Variants in CD300LG observed in about 807,000 individuals in gnomAD.
CD300LG encodes CD300 molecule like family member g.
CD300LG carries 29 observed loss-of-function variants against 31.5 expected under a neutral mutation model. The observed-to-expected ratio is 0.92, with a 90% CI of 0.68 to 1.25. The LOEUF (loss-of-function observed/expected upper bound fraction) is 1.25, where lower values mean the gene tolerates loss of function less well. Among genes scored for constraint, CD300LG ranks in the 50% most tolerant of loss-of-function variants. The probability of loss-of-function intolerance (pLI) is 0.00; values close to 1 mark genes in which losing one functional copy is unlikely to be tolerated. For missense variants in CD300LG, 396 were observed against 417.6 expected, an observed-to-expected ratio of 0.95 and a Z score of 0.45; for synonymous variants, 175 against 177.2, an observed-to-expected ratio of 0.99 and a Z score of 0.10.
intron 2 of CD300LG, chr17:43,849,941 A>G (rs143694662): frequency 1.3e-5 from 2 of 152,266 alleles, no homozygotes; most frequent in East Asian, 3.9e-4. Context: ...TCTGTTCTTC[A>G]TTATTTACAA....
intron 2 of CD300LG, among the ~76,000 whole-genome samples, chr17:43,851,133 CAAAAAAA>C (rs777282117): frequency 4.9e-5 from 2 of 40,616 alleles, no homozygotes; most frequent in South Asian, 1.8e-3. Context: ...GACTCAGTCT[CAAAAAAA>C]AAAAAAAAAA....
At chr17:43,847,336 CTGAT>C (rs1312293227) in intron 1 of CD300LG, 77 bp downstream of exon 1, 16 of 1,455,896 alleles carry the variant, frequency 1.1e-5, no homozygotes, top group South Asian at 8.2e-5. Context: ...TCTTGACTGA[CTGAT>C]AGCCCCACCC....
At chr17:43,858,084 T>C in intron 6 of CD300LG, 1 of 1,402,172 alleles carries the variant, frequency 7.1e-7, no homozygotes, top group African/African-American at 1.4e-5. Flanking sequence ...ACTCCATTCC[T>C]TTAAACACAA....
At chr17:43,861,553 G>A (rs943144437) in intron 6 of CD300LG, among the ~76,000 whole-genome samples, 5 of 152,020 alleles carry the variant, frequency 3.3e-5, no homozygotes, top group Admixed American at 2.0e-4. Context: ...CCACAACTGC[G>A]CCAGAACCCA....
intron 6 of CD300LG, 103 bp from the exon 7 acceptor site, chr17:43,861,695 G>A: frequency 4.5e-6 from 3 of 673,284 alleles, no homozygotes; most frequent in South Asian, 2.3e-5. Context: ...TGGAACTTGT[G>A]GAAAAGGCTG....
intron 5 of CD300LG, chr17:43,855,876 C>G (rs2046505691): frequency 6.6e-6 from 1 of 152,198 alleles, no homozygotes; most frequent in South Asian, 2.1e-4. Context: ...TAATTTAAAA[C>G]TTTTGAATAG....
Position 43,861,813 on chromosome 17 carries a change from G to A in CD300LG, c.901G>A (p.Glu301Lys), listed in dbSNP as rs147587037. The A allele has an allele frequency of 6.8e-5, 109 of 1,607,858 alleles. No individual in the cohort carries two copies. In the African/African-American group the frequency reaches 1.3e-3, roughly 20 times the overall value. ...GTCTTTACAGACTGCGGAGGAAAAG[G>A]AAGCCCCTTCCCAGGCCCCTGAGGG... The part of the protein sequence containing the change: ...CLSRLTAEEK[E>K]APSQAPEGDV... The change falls in exon 7 of 7, where the codon GAA becomes AAA. Residue 301 changes from glutamate to lysine, a missense_variant. Coordinates refer to ENST00000317310, the MANE Select transcript of CD300LG (RefSeq NM_145273.4).
At chr17:43,852,093 G>T (rs1223616645) in intron 2 of CD300LG, among the ~76,000 whole-genome samples, 3 of 152,218 alleles carry the variant, frequency 2.0e-5, no homozygotes, top group African/African-American at 7.2e-5. Flanking sequence ...GAGGTGGGCA[G>T]GAGGCTGGTT....
chr17:43,857,624 G>A lies in CD300LG; in HGVS notation c.885+468G>A, dbSNP rs552015355. 3.2e-4 allele frequency: 361 copies of A among 1,131,756 alleles called. 3 individuals carry two copies. In the African/African-American group the frequency reaches 5.1e-3, roughly 16 times the overall value. The allele number at this position is 1,131,756 out of a possible 1,614,324, so 70.1% of individuals were successfully genotyped here. A position where few individuals can be genotyped will look rare whatever the true frequency, so the allele number is the denominator to read the frequency against. On this transcript the variant is annotated intron_variant, in intron 6 of 6. Coordinates refer to ENST00000317310, the MANE Select transcript of CD300LG (RefSeq NM_145273.4). Reference sequence around the variant, plus strand: ...CCAGACCCAGCTGAACCCTCCAGGGGTGGGGTCCAGGGACTCTGGCAGTGC... The same window carrying A: ...CCAGACCCAGCTGAACCCTCCAGGGATGGGGTCCAGGGACTCTGGCAGTGC...
At position 43,861,965 on chromosome 17, in the gene CD300LG, C is replaced by A; in HGVS notation, c.*54C>A. The A allele has an allele frequency of 1.5e-6, 2 of 1,312,796 alleles. No individual in the cohort carries two copies. Among genetic ancestry groups the A allele is most frequent in the Non-Finnish European group, 2.1e-6 (2 of 956,944 alleles). 81.3% of individuals were successfully genotyped at this position (1,312,796 alleles called of 1,614,324 possible). A position where few individuals can be genotyped will look rare whatever the true frequency, so the allele number is the denominator to read the frequency against. ...AGTGAAGCAGTATGGCTGGCTGGAT[C>A]AGCACCGATTCCCGAAAGCTTTCCA... is the stretch of plus-strand genomic sequence containing the variant. On this transcript the variant is annotated 3_prime_UTR_variant, in exon 7 of 7. Coordinates refer to ENST00000317310, the MANE Select transcript of CD300LG (RefSeq NM_145273.4).
chr17:43,858,012 A>G (rs1466998903), intron 6 of CD300LG: 7 of 1,460,780 alleles, frequency 4.8e-6, no homozygotes, highest in Non-Finnish European at 6.3e-6. Context: ...GCAGCATCGC[A>G]CTTCAGGCAA....
chr17:43,857,610 T>G, intron 6 of CD300LG: 1 of 1,158,266 alleles, frequency 8.6e-7, no homozygotes, highest in Non-Finnish European at 1.2e-6. Flanking sequence ...CAGACCCAGC[T>G]GAACCCTCCA....
chr17:43,859,621 T>G (rs754111607), intron 6 of CD300LG, among the ~76,000 whole-genome samples: 3 of 152,174 alleles, frequency 2.0e-5, no homozygotes, highest in Non-Finnish European at 4.4e-5. Context: ...AAAACCAGAT[T>G]GCAAAGCTGT....
At chr17:43,851,130 T>C (rs2046339022) in intron 2 of CD300LG, among the ~76,000 whole-genome samples, 1 of 91,158 alleles carries the variant, frequency 1.1e-5, no homozygotes, top group Non-Finnish European at 1.9e-5. Flanking sequence ...CCAGACTCAG[T>C]CTCAAAAAAA....
Position 43,853,953 on chromosome 17 carries a change from C to T in CD300LG, c.628C>T (p.Pro210Ser). Residue 210 changes from proline to serine, a missense_variant, in exon 4 of 7, where the codon CCT becomes TCT. Transcript: ENST00000317310. ...GTSPHPATSP[P>S]AGSSRPPMQL... ...CTCTCCTCACCCAGCGACCTCTCCT[C>T]CTGCAGGGAGCTCCCGCCCCCCCAT... 1.9e-6 allele frequency: 3 copies of T among 1,614,184 alleles called. No homozygotes were observed. Among genetic ancestry groups the T allele is most frequent in the Non-Finnish European group, 2.5e-6 (3 of 1,180,024 alleles).
intron 6 of CD300LG, among the ~76,000 whole-genome samples, chr17:43,858,975 A>G (rs2046598879): frequency 6.6e-6 from 1 of 152,312 alleles, no homozygotes; most frequent in East Asian, 1.9e-4. Flanking sequence ...AATCCTCATC[A>G]TTCCCATACG....
chr17:43,858,184 G>A (rs903252958), intron 6 of CD300LG: 2 of 1,174,282 alleles, frequency 1.7e-6, no homozygotes, highest in Admixed American at 7.7e-5. Context: ...AGGGTCTGGG[G>A]TGGAAATGGG....
At chr17:43,859,775 C>T (rs2046615778) in intron 6 of CD300LG, among the ~76,000 whole-genome samples, 1 of 152,178 alleles carries the variant, frequency 6.6e-6, no homozygotes, top group South Asian at 2.1e-4. Flanking sequence ...ATTGCCTTAC[C>T]CCTCCCAGTG....
intron 2 of CD300LG, among the ~76,000 whole-genome samples, chr17:43,850,886 C>G (rs1186027081): frequency 6.6e-6 from 1 of 151,928 alleles, no homozygotes; most frequent in Non-Finnish European, 1.5e-5. Context: ...CCTGTAATCC[C>G]AGCACTTTGG....
Sources: gnomAD v4.1 joint callset for allele counts (sites outside exome capture counted in the v4.1 genomes callset) on GRCh38, gnomAD v4.1.1 for gene constraint, MANE v1.5 for transcripts, NCBI Gene and HGNC (gene_info 2026-07-23, HGNC 2026-07-21) for gene names.